The following LRP6 variants were observed in gnomAD, a reference collection of about 807,000 sequenced individuals.
LRP6 encodes the protein low-density lipoprotein receptor-related protein 6.
Under a neutral mutation model 184.1 loss-of-function variants are expected in LRP6, and 43 were observed. The ratio of observed to expected loss-of-function variants is 0.23; its 90% CI spans 0.18 to 0.30. LRP6 has a LOEUF of 0.30. LRP6 is among the 10% of genes least tolerant of loss of function. The probability of loss-of-function intolerance (pLI) is 1.00; values close to 1 mark genes in which losing one functional copy is unlikely to be tolerated. For synonymous variants in LRP6, 719 were observed against 684.9 expected, an observed-to-expected ratio of 1.05 and a Z score of -0.78; for missense variants, 1,571 against 2,005.3, an observed-to-expected ratio of 0.78 and a Z score of 4.14.
intron 2 of LRP6, among the ~76,000 whole-genome samples, chr12:12,230,892 G>A (rs1307914848): frequency 2.0e-5 from 3 of 152,048 alleles, no homozygotes; most frequent in African/African-American, 7.2e-5. Flanking sequence ...AAAGTAAAAA[G>A]CAGTACATGG....
chr12:12,173,092 G>A lies in LRP6; in HGVS notation c.1545+6718C>T, dbSNP rs1863087350. Among the ~76,000 whole-genome samples, 2 of 152,122 alleles carry A rather than the reference G, an allele frequency of 1.3e-5. 1 individual carries two copies. Among genetic ancestry groups the A allele is most frequent in the South Asian group, 4.1e-4 (2 of 4,826 alleles). Reference sequence around the variant, plus strand: ...TCTTTTTCTGTTAGAGCTAAAAATTGCTACTGTGACCAAAGCTTTCTAAAA... The same window carrying A: ...TCTTTTTCTGTTAGAGCTAAAAATTACTACTGTGACCAAAGCTTTCTAAAA... On this transcript the variant is annotated intron_variant, in intron 7 of 22. Coordinates refer to ENST00000261349, the MANE Select transcript of LRP6 (RefSeq NM_002336.3).
At chr12:12,196,418 G>A (rs1297410845) in intron 3 of LRP6, among the ~76,000 whole-genome samples, 1 of 151,704 alleles carries the variant, frequency 6.6e-6, no homozygotes, top group Non-Finnish European at 1.5e-5. Context: ...CACTTCCTTG[G>A]TTAAATTTAT....
At chr12:12,172,782 A>G (rs548446749) in intron 7 of LRP6, among the ~76,000 whole-genome samples, 2 of 152,354 alleles carry the variant, frequency 1.3e-5, no homozygotes, top group African/African-American at 4.8e-5. Context: ...CGGAAATAAC[A>G]TTTCAATCAT....
chr12:12,195,123 T>C (rs1481948004), intron 3 of LRP6, among the ~76,000 whole-genome samples: 1 of 152,164 alleles, frequency 6.6e-6, no homozygotes, highest in Non-Finnish European at 1.5e-5. Flanking sequence ...CCTAGGTTGA[T>C]ACCACATCTT....
intron 7 of LRP6, among the ~76,000 whole-genome samples, chr12:12,176,685 G>A (rs1183416941): frequency 4.6e-5 from 7 of 152,030 alleles, no homozygotes; most frequent in Non-Finnish European, 5.9e-5. Flanking sequence ...AAGCGAGCAG[G>A]TAGCATAAAT....
At chr12:12,168,960 G>C (rs897214713) in intron 7 of LRP6, among the ~76,000 whole-genome samples, 1 of 152,086 alleles carries the variant, frequency 6.6e-6, no homozygotes, top group Non-Finnish European at 1.5e-5. Context: ...CAGGCGCAGT[G>C]GTTCACACCT....
In LRP6 at chr12:12,151,327, A is replaced by AGGTAT. The variant is rs371445064; in HGVS notation, c.2792-294_2792-290dup. Among the ~76,000 whole-genome samples the AGGTAT allele has an allele frequency of 4.4e-3, 670 of 152,208 alleles. 7 individuals are homozygous for AGGTAT. Among genetic ancestry groups the AGGTAT allele is most frequent in the African/African-American group, 0.015 (604 of 41,526 alleles). On this transcript the variant is annotated intron_variant, in intron 12 of 22. Coordinates refer to ENST00000261349, the MANE Select transcript of LRP6 (RefSeq NM_002336.3). ...TACCACAGAAAACTTCATTTCCATC[A>AGGTAT]GGTATTTGATATACAAAATTCTCCT... is the stretch of plus-strand genomic sequence containing the variant.
At chr12:12,213,646 A>T (rs977476844) in intron 2 of LRP6, among the ~76,000 whole-genome samples, 3 of 152,064 alleles carry the variant, frequency 2.0e-5, no homozygotes, top group Non-Finnish European at 4.4e-5. Flanking sequence ...ATTTTTATCC[A>T]TCTAAAATGT....
At chr12:12,259,802 A>G (rs1865567533) in intron 1 of LRP6, among the ~76,000 whole-genome samples, 1 of 152,194 alleles carries the variant, frequency 6.6e-6, no homozygotes, top group Non-Finnish European at 1.5e-5. Context: ...ACAGTGTTTT[A>G]TTCACTGAAG....
intron 9 of LRP6, 70 bp downstream of exon 9, chr12:12,164,203 T>C: frequency 1.4e-6 from 2 of 1,419,502 alleles, no homozygotes; most frequent in South Asian, 1.2e-5. Context: ...GGTCACAGCA[T>C]GAAGATTCAG....
At chr12:12,138,145 T>C (rs1949871710) in intron 16 of LRP6, among the ~76,000 whole-genome samples, 180 bp downstream of exon 16, 1 of 150,820 alleles carries the variant, frequency 6.6e-6, no homozygotes, top group Non-Finnish European at 1.5e-5. Context: ...CACTCCAGCC[T>C]GGGCGACAGA....
chr12:12,187,882 G>A (rs1285668793), intron 3 of LRP6, among the ~76,000 whole-genome samples: 3 of 152,162 alleles, frequency 2.0e-5, no homozygotes, highest in African/African-American at 4.8e-5. Flanking sequence ...TTAAGGCACA[G>A]AACTTTGTAG....
intron 2 of LRP6, among the ~76,000 whole-genome samples, chr12:12,230,471 C>T (rs1334105338): frequency 6.6e-6 from 1 of 151,976 alleles, no homozygotes; most frequent in East Asian, 1.9e-4. Context: ...TAATTACATA[C>T]ACAGGTGACT....
chr12:12,246,335 A>T (rs1865183213), intron 1 of LRP6, among the ~76,000 whole-genome samples: 1 of 151,890 alleles, frequency 6.6e-6, no homozygotes, highest in African/African-American at 2.4e-5. Flanking sequence ...AATTCATTCC[A>T]ATTTATATAG....
At chr12:12,205,329 CAAAA>C (rs56169717) in intron 2 of LRP6, among the ~76,000 whole-genome samples, 19 of 39,110 alleles carry the variant, frequency 4.9e-4, no homozygotes, top group South Asian at 4.2e-3. Flanking sequence ...CTCAAACAAA[CAAAA>C]AAAAAAAAAA....
intron 13 of LRP6, 140 bp downstream of exon 13, chr12:12,150,696 A>C (rs1950069498): frequency 1.2e-6 from 1 of 837,206 alleles, no homozygotes; most frequent in Admixed American, 1.9e-5. Context: ...AGGAAAAAAT[A>C]AGCTACTAGG....
Position 12,147,398 on chromosome 12 carries a change from T to C in LRP6, c.3365A>G (p.Asp1122Gly). 1 of 1,614,182 alleles carries C rather than the reference T, an allele frequency of 6.2e-7. No individual in the cohort carries two copies. Among genetic ancestry groups the C allele is most frequent in the Non-Finnish European group, 8.5e-7 (1 of 1,180,030 alleles). ...ATCACTGCTTTCAATTCGCCGGAGATCTGAATCAGCCCAAAAGAGCTTGCC... is the reference window on the plus strand; with the variant it reads ...ATCACTGCTTTCAATTCGCCGGAGACCTGAATCAGCCCAAAAGAGCTTGCC... ...RLGKLFWADSDLRRIESSDLS... is the reference protein window; with the variant it reads ...RLGKLFWADSGLRRIESSDLS... Residue 1122 changes from aspartate to glycine, a missense_variant, in exon 15 of 23, where the codon GAT becomes GGT. Asp to Gly is a moderately conservative substitution (Grantham distance 94, BLOSUM62 -1). Coordinates refer to ENST00000261349, the MANE Select transcript of LRP6 (RefSeq NM_002336.3).
At position 12,184,061 on chromosome 12, in the gene LRP6, T is replaced by C; in HGVS notation, c.895A>G (p.Met299Val). 1.9e-6 allele frequency: 3 copies of C among 1,613,742 alleles called. No individual in the cohort carries two copies. Among genetic ancestry groups the C allele is most frequent in the South Asian group, 1.1e-5 (1 of 91,074 alleles). The change falls in exon 5 of 23, where the codon ATG becomes GTG. Residue 299 changes from methionine (M) to valine (V), a missense_variant. By Grantham distance (21) the Met-to-Val change is conservative (BLOSUM62 1). Coordinates refer to ENST00000261349, the MANE Select transcript of LRP6 (RefSeq NM_002336.3). ...DNGGCSHLCL[M>V]SPVKPFYQCA... ...TGATAAAAAGGCTTGACTGGAGACA[T>C]CAAACACAAATGGGAACAACCCCCA...
Position 12,121,175 on chromosome 12 carries a change from G to A in LRP6, c.4793C>T (p.Ser1598Phe). 1 of 1,613,924 alleles carries A rather than the reference G, an allele frequency of 6.2e-7. No homozygotes were observed. Among genetic ancestry groups the A allele is most frequent in the Non-Finnish European group, 8.5e-7 (1 of 1,179,974 alleles). Residue 1598 changes from serine (S) to phenylalanine (F), a missense_variant, in exon 23 of 23, where the codon TCT becomes TTT. Coordinates refer to ENST00000261349, the MANE Select transcript of LRP6 (RefSeq NM_002336.3). Reference sequence around the variant, plus strand: ...GGGTGGCGGTGGGTAGAGGTGATGAGAATAGCTCCTCTCTGTGTATGGAGA... The same window carrying A: ...GGGTGGCGGTGGGTAGAGGTGATGAAAATAGCTCCTCTCTGTGTATGGAGA... Reference protein sequence around the residue: ...PPSPYTERSYSHHLYPPPPSP... With the variant: ...PPSPYTERSYFHHLYPPPPSP...
Sources: gnomAD v4.1 joint callset for allele counts (sites outside exome capture counted in the v4.1 genomes callset) on GRCh38, gnomAD v4.1.1 for gene constraint, MANE v1.5 for transcripts, NCBI Gene and HGNC (gene_info 2026-07-23, HGNC 2026-07-21) for gene names.